The following SERINC5 variants were observed in gnomAD, a reference collection of about 807,000 sequenced individuals.
SERINC5 encodes chromosome 5 open reading frame 12.
In SERINC5, 41 loss-of-function variants were observed where a neutral mutation model predicts 63.1. The observed-to-expected ratio is 0.65, with a 90% confidence interval of 0.51 to 0.84. The LOEUF (loss-of-function observed/expected upper bound fraction) is 0.84, where lower values mean the gene tolerates loss of function less well. SERINC5 is among the 40% of genes least tolerant of loss of function. The pLI, the probability that SERINC5 is intolerant of heterozygous loss-of-function variation, is 0.00. For missense variants in SERINC5, 523 were observed against 573.0 expected (o/e 0.91, Z 0.89); for synonymous variants, 222 against 215.2 (o/e 1.03, Z -0.28).
intron 1 of SERINC5, among the ~76,000 whole-genome samples, chr5:80,237,473 A>G (rs1751748840): frequency 6.6e-6 from 1 of 151,912 alleles, no homozygotes; most frequent in Admixed American, 6.6e-5. Context: ...AGCTAGCACT[A>G]CAAGTGCACG....
Position 80,147,247 on chromosome 5 carries a change from TC to T in SERINC5, c.1090del (p.Glu364ArgfsTer36). The T allele has an allele frequency of 1.2e-6, 2 of 1,602,248 alleles. No individual in the cohort carries two copies. Among genetic ancestry groups the T allele is most frequent in the Non-Finnish European group, 1.7e-6 (2 of 1,174,892 alleles). ...AAGAATAAAAGCGCTCTGCTTACCC[TC>T]TCCACCAGGACTGAAGCAAAAACAA... ...RCCFCFSPGG[E>X]DTEEQQPGKE... On this transcript the variant is annotated frameshift_variant, in exon 10 of 12. Transcript: ENST00000507668. LOFTEE classifies it high-confidence loss of function.
At chr5:80,135,331 G>C (rs1429816734), downstream of SERINC5, among the ~76,000 whole-genome samples, 6 of 152,192 alleles carry the variant, frequency 3.9e-5, no homozygotes, top group Non-Finnish European at 5.9e-5. Flanking sequence ...ACCACGCCAG[G>C]CCCAATCACG....
chr5:80,219,201 G>A (rs975122642), intron 1 of SERINC5, among the ~76,000 whole-genome samples: 7 of 152,170 alleles, frequency 4.6e-5, no homozygotes, highest in African/African-American at 9.7e-5. Context: ...CTCTCAAGAC[G>A]CATGTCCCTC....
At chr5:80,118,692 C>T (rs932860112) in intron 11 of SERINC5, among the ~76,000 whole-genome samples, 5 of 150,600 alleles carry the variant, frequency 3.3e-5, no homozygotes, top group African/African-American at 9.8e-5. Flanking sequence ...GGACTACAGG[C>T]GCATGCCACC....
At position 80,233,805 on chromosome 5, in the gene SERINC5, C is replaced by CCTTTTTTTTTTTTTTTTTTTTTTTT. The variant is rs1554071351; in HGVS notation, c.27+22090_27+22091insAAAAAAAAAAAAAAAAAAAAAAAAG. 2.9e-5 allele frequency among the ~76,000 whole-genome samples: 2 copies of CCTTTTTTTTTTTTTTTTTTTTTTTT among 69,950 alleles called. 1 individual carries two copies. Among genetic ancestry groups the CCTTTTTTTTTTTTTTTTTTTTTTTT allele is most frequent in the African/African-American group, 1.3e-4 (2 of 15,726 alleles). The allele number at this position is 69,950 out of a possible 152,430, so 45.9% of individuals were successfully genotyped here. On this transcript the variant is annotated intron_variant, in intron 1 of 11. Transcript: ENST00000507668. ...TATTTTATAGATCTTTCAACTTTTA[C>CCTTTTTTTTTTTTTTTTTTTTTTTT]TTTTTTTTTTTTTTTTTTTTTTTTG...
At chr5:80,204,528 G>A (rs1221716962) in intron 1 of SERINC5, among the ~76,000 whole-genome samples, 2 of 152,204 alleles carry the variant, frequency 1.3e-5, no homozygotes, top group Non-Finnish European at 2.9e-5. Flanking sequence ...ACAGTTCGGT[G>A]TGTGAACAAA....
intron 2 of SERINC5, among the ~76,000 whole-genome samples, chr5:80,197,591 A>G (rs1363410190): frequency 6.6e-6 from 1 of 152,014 alleles, no homozygotes; most frequent in Non-Finnish European, 1.5e-5. Context: ...TGGCACATTG[A>G]GCTCTCAGGG....
intron 2 of SERINC5, among the ~76,000 whole-genome samples, chr5:80,197,672 T>C (rs1404513907): frequency 6.6e-6 from 1 of 152,182 alleles, no homozygotes; most frequent in African/African-American, 2.4e-5. Context: ...CCCTACTCCC[T>C]AGGAAATAAA....
chr5:80,190,436 T>A (rs1032169923), intron 2 of SERINC5, among the ~76,000 whole-genome samples: 1 of 152,134 alleles, frequency 6.6e-6, no homozygotes, highest in African/African-American at 2.4e-5. Context: ...AGAGTTTGCA[T>A]GTATAATCTT....
chr5:80,141,436 A>T lies in SERINC5; in HGVS notation c.*2227T>A. ...CAGCCAAGGAATACAAGGCCTTGTC[A>T]GCTGGACCTTGACTGCGCGTAAGGT... On this transcript the variant is annotated 3_prime_UTR_variant, in exon 12 of 12. Coordinates refer to ENST00000507668, the MANE Select transcript of SERINC5 (RefSeq NM_001174072.3). 1 of 985,496 alleles carries T rather than the reference A, an allele frequency of 1.0e-6. No homozygotes were observed. The highest frequency in any genetic ancestry group is 1.2e-6 in the Non-Finnish European group (1 of 829,966). 61.0% of individuals were successfully genotyped at this position (985,496 alleles called of 1,614,324 possible). A position where few individuals can be genotyped will look rare whatever the true frequency, so the allele number is the denominator to read the frequency against.
At chr5:80,201,648 C>T (rs1211675252) in intron 2 of SERINC5, among the ~76,000 whole-genome samples, 2 of 152,228 alleles carry the variant, frequency 1.3e-5, no homozygotes, top group Non-Finnish European at 2.9e-5. Context: ...TCAAAATCCC[C>T]ACCACAGTCC....
intron 2 of SERINC5, among the ~76,000 whole-genome samples, chr5:80,189,705 T>C (rs538947806): frequency 3.0e-4 from 46 of 152,268 alleles, no homozygotes; most frequent in Non-Finnish European, 5.4e-4. Flanking sequence ...TCTGCTAGTT[T>C]CTTTTTTTTT....
chr5:80,140,844 C>T lies in SERINC5; in HGVS notation c.*2819G>A, dbSNP rs1745465294. ...GCAGCTTTAAAAAAGTCCTCTTCAA[C>T]TGTCATCCCTAAATGTGTCTGACCA... is the stretch of plus-strand genomic sequence containing the variant. On this transcript the variant is annotated 3_prime_UTR_variant, in exon 12 of 12. Transcript: ENST00000507668. The T allele has an allele frequency of 1.0e-6, 1 of 985,298 alleles. No homozygotes were observed. Among genetic ancestry groups the T allele is most frequent in the Admixed American group, 6.1e-5 (1 of 16,262 alleles). The allele number at this position is 985,298 out of a possible 1,614,324, so 61.0% of individuals were successfully genotyped here.
At chr5:80,181,125 G>A (rs141735887) in intron 2 of SERINC5, among the ~76,000 whole-genome samples, 342 of 152,290 alleles carry the variant, frequency 2.2e-3, no homozygotes, top group African/African-American at 7.5e-3. Context: ...GGCAAGGTGC[G>A]AGGGGACAGC....
chr5:80,202,784 A>G lies in SERINC5; in HGVS notation c.195+102T>C, dbSNP rs115140442. On this transcript the variant is annotated intron_variant, in intron 2 of 11. Coordinates refer to ENST00000507668, the MANE Select transcript of SERINC5 (RefSeq NM_001174072.3). ...GTTCAAGGAAACCAGGTATACCCCA[A>G]AACACATGGGGGTACATGGACCCCA... The G allele has an allele frequency of 2.1e-3, 2,531 of 1,216,072 alleles. 30 individuals carry two copies. In the African/African-American group the frequency reaches 0.023, roughly 11 times the overall value. The allele number at this position is 1,216,072 out of a possible 1,614,324, so 75.3% of individuals were successfully genotyped here.
intron 5 of SERINC5, among the ~76,000 whole-genome samples, chr5:80,171,170 G>C (rs370424627): frequency 2.6e-5 from 4 of 151,792 alleles, no homozygotes; most frequent in Non-Finnish European, 4.4e-5. Context: ...CCACCATGCC[G>C]GGCTAATTTT....
intron 9 of SERINC5, among the ~76,000 whole-genome samples, chr5:80,150,245 AC>A (rs1164632509): frequency 6.6e-6 from 1 of 151,962 alleles, no homozygotes; most frequent in African/African-American, 2.4e-5. Flanking sequence ...TTAAAATAAA[AC>A]CCACCAAGAC....
At position 80,143,591 on chromosome 5, in the gene SERINC5, C is replaced by T. The variant is rs1745640684; in HGVS notation, c.*72G>A. On this transcript the variant is annotated 3_prime_UTR_variant, in exon 12 of 12. Coordinates refer to ENST00000507668, the MANE Select transcript of SERINC5 (RefSeq NM_001174072.3). ...CAGGCACAGGGCGCCAGTCCCTGCC[C>T]CGGGGACACTGTTCAAAAGATGGCA... is the stretch of plus-strand genomic sequence containing the variant. 1 of 1,495,910 alleles carries T rather than the reference C, an allele frequency of 6.7e-7. No individual in the cohort carries two copies. Among genetic ancestry groups the T allele is most frequent in the Admixed American group, 2.1e-5 (1 of 48,094 alleles). The allele number at this position is 1,495,910 out of a possible 1,614,324, so 92.7% of individuals were successfully genotyped here. A position where few individuals can be genotyped will look rare whatever the true frequency, so the allele number is the denominator to read the frequency against.
chr5:80,127,371 A>C (rs910631847), intron 11 of SERINC5, among the ~76,000 whole-genome samples: 1 of 152,220 alleles, frequency 6.6e-6, no homozygotes, highest in Non-Finnish European at 1.5e-5. Flanking sequence ...TCTTCCATGA[A>C]ACCAGCAATA....
Sources: allele counts gnomAD v4.1 joint callset (sites outside exome capture counted in the v4.1 genomes callset), GRCh38; gene constraint gnomAD v4.1.1; transcripts MANE v1.5; gene names NCBI Gene and HGNC (gene_info 2026-07-23, HGNC 2026-07-21).